Variants in DGKH observed in about 807,000 individuals in gnomAD.
DGKH encodes DAG kinase eta.
Under a neutral mutation model 159.3 loss-of-function variants are expected in DGKH, and 90 were observed. The ratio of observed to expected loss-of-function variants is 0.57; its 90% confidence interval spans 0.48 to 0.67. The LOEUF is 0.67. Among genes scored for constraint, DGKH ranks in the 30% least tolerant of loss-of-function variants. The probability of loss-of-function intolerance (pLI) is 0.00; values close to 1 mark genes in which losing one functional copy is unlikely to be tolerated. For missense variants in DGKH, 1,181 were observed against 1,506.1 expected, an observed-to-expected ratio of 0.78 and a Z score of 3.57; for synonymous variants, 536 against 553.8, an observed-to-expected ratio of 0.97 and a Z score of 0.45.
In DGKH at chr13:42,181,193, C is replaced by G. The variant is rs1353509290; in HGVS notation, c.1538+2973C>G. On this transcript the variant is annotated intron_variant, in intron 13 of 29. Coordinates refer to ENST00000337343, the MANE Select transcript of DGKH (RefSeq NM_178009.5). ...TCGGGAGGCTGAGGCAGGAGAATGG[C>G]GTGAACCCGGGAGGCGGAGCTTGCA... Among the ~76,000 whole-genome samples the G allele has an allele frequency of 4.9e-5, 7 of 142,804 alleles. No individual in the cohort carries two copies. In the East Asian group the frequency reaches 1.3e-3, roughly 27 times the overall value. The allele number at this position is 142,804 out of a possible 152,430, so 93.7% of individuals were successfully genotyped here. A position where few individuals can be genotyped will look rare whatever the true frequency, so the allele number is the denominator to read the frequency against.
chr13:42,144,075 C>G (rs1566127225), intron 3 of DGKH, among the ~76,000 whole-genome samples: 1 of 152,168 alleles, frequency 6.6e-6, no homozygotes, highest in Non-Finnish European at 1.5e-5. Flanking sequence ...CAGTAACCAT[C>G]TCATTGAAAC....
chr13:42,118,966 C>T (rs1043932019), intron 1 of DGKH, among the ~76,000 whole-genome samples: 2 of 152,138 alleles, frequency 1.3e-5, no homozygotes, highest in African/African-American at 4.8e-5. Flanking sequence ...ACTTTTCTTC[C>T]CCATTGCCTT....
rs199867761 is a variant in DGKH, at chr13:42,198,448, G to A, written c.2168-30G>A. The A allele has an allele frequency of 5.1e-6, 8 of 1,582,068 alleles. No homozygotes were observed. The African/African-American group carries it at 9.5e-5, about 19-fold the overall frequency. On this transcript the variant is annotated intron_variant, in intron 17 of 29. Coordinates refer to ENST00000337343, the MANE Select transcript of DGKH (RefSeq NM_178009.5). ...CTTTCTGTGTTTTTTCTTAACATGC[G>A]ATCCCATATGTGTTTGCTTTTCTTT...
chr13:42,105,855 A>G (rs942453836), intron 1 of DGKH, among the ~76,000 whole-genome samples: 12 of 152,204 alleles, frequency 7.9e-5, no homozygotes, highest in Non-Finnish European at 1.3e-4. Flanking sequence ...GTTTACTGCT[A>G]TATCTCCAGC....
intron 1 of DGKH, among the ~76,000 whole-genome samples, chr13:42,081,019 T>C (rs1239149917): frequency 6.6e-6 from 1 of 152,200 alleles, no homozygotes; most frequent in Non-Finnish European, 1.5e-5. Flanking sequence ...TATGCTTCTT[T>C]AGCCAAACAA....
chr13:42,159,455 A>C (rs1218834264), intron 6 of DGKH, 83 bp downstream of exon 6: 1 of 959,506 alleles, frequency 1.0e-6, no homozygotes, highest in Non-Finnish European at 1.6e-6. Context: ...AAAGATAAGT[A>C]GGAATGCTTA....
chr13:42,146,304 A>AT (rs1955730983), intron 3 of DGKH, among the ~76,000 whole-genome samples: 2 of 152,178 alleles, frequency 1.3e-5, no homozygotes, highest in Admixed American at 6.5e-5. Flanking sequence ...AAAGGCGTTT[A>AT]CCTGAAGTTT....
At chr13:42,147,606 A>T (rs1955770125) in intron 3 of DGKH, among the ~76,000 whole-genome samples, 1 of 152,236 alleles carries the variant, frequency 6.6e-6, no homozygotes, top group South Asian at 2.1e-4. Flanking sequence ...GGATTGTTCC[A>T]ATCTCTGGTA....
intron 24 of DGKH, among the ~76,000 whole-genome samples, chr13:42,212,213 T>G (rs1264655886): frequency 1.3e-5 from 2 of 152,292 alleles, no homozygotes; most frequent in Non-Finnish European, 1.5e-5. Context: ...TCTCTTTAAA[T>G]ATTTATTAGA....
rs7324235 is a variant in DGKH, at chr13:42,190,428, C to A, written c.1938C>A (p.Pro646=). Residue 646 remains proline, a synonymous_variant, in exon 16 of 30, where the codon CCC becomes CCA. Coordinates refer to ENST00000337343, the MANE Select transcript of DGKH (RefSeq NM_178009.5). ...TTATGGATGACCCGACAGTTCACCC[C>A]TGTGAACCAGCTAATCAGTCCTCTG... is the stretch of plus-strand genomic sequence containing the variant. The part of the protein sequence containing the change: ...GKVMDDPTVH[P]CEPANQSSDY... 2 of 1,608,968 alleles carry A rather than the reference C, an allele frequency of 1.2e-6. No individual in the cohort carries two copies. Among genetic ancestry groups the A allele is most frequent in the East Asian group, 4.5e-5 (2 of 44,512 alleles).
intron 12 of DGKH, among the ~76,000 whole-genome samples, chr13:42,175,645 ATC>A (rs1199701179): frequency 2.0e-5 from 3 of 152,230 alleles, no homozygotes; most frequent in Non-Finnish European, 4.4e-5. Flanking sequence ...TATGAAGGAA[ATC>A]TCTCTTTTTT....
rs138393567 is a variant in DGKH, at chr13:42,213,987, G to A, written c.3015-520G>A. Among the ~76,000 whole-genome samples, 54 of 152,222 alleles carry A rather than the reference G, an allele frequency of 3.5e-4. No homozygotes were observed. The East Asian group carries it at 0.01, about 29-fold the overall frequency. ...TTTACTGGCTCTGTATGCCTACCACGTCTCTCTGAGCCTCAATGTCATCAT... is the reference window on the plus strand; with the variant it reads ...TTTACTGGCTCTGTATGCCTACCACATCTCTCTGAGCCTCAATGTCATCAT... On this transcript the variant is annotated intron_variant, in intron 24 of 29. Coordinates refer to ENST00000337343, the MANE Select transcript of DGKH (RefSeq NM_178009.5).
At chr13:42,069,832 G>T in intron 1 of DGKH, 1 of 916,986 alleles carries the variant, frequency 1.1e-6, no homozygotes, top group Non-Finnish European at 1.7e-6. Flanking sequence ...ACAAGGCTCA[G>T]CAGAGTAATT....
intron 1 of DGKH, among the ~76,000 whole-genome samples, chr13:42,120,432 A>G (rs1955046384): frequency 6.6e-6 from 1 of 152,180 alleles, no homozygotes; most frequent in African/African-American, 2.4e-5. Context: ...CGAATTAGGA[A>G]ATGCCTGTAT....
intron 1 of DGKH, among the ~76,000 whole-genome samples, chr13:42,106,093 C>A (rs905318815): frequency 6.6e-6 from 1 of 151,764 alleles, no homozygotes; most frequent in Non-Finnish European, 1.5e-5. Context: ...CTGCAACCTT[C>A]GCCTCCTTGG....
chr13:42,133,585 A>T (rs977672415), intron 3 of DGKH, among the ~76,000 whole-genome samples: 19 of 152,112 alleles, frequency 1.2e-4, no homozygotes, highest in Admixed American at 1.3e-4. Flanking sequence ...AGTGCCAGCT[A>T]TTCTGGAGGC....
At chr13:42,119,178 A>C (rs1333555888) in intron 1 of DGKH, among the ~76,000 whole-genome samples, 3 of 152,202 alleles carry the variant, frequency 2.0e-5, no homozygotes. Flanking sequence ...CCCCCTTGGC[A>C]GTGGCTGCAG....
chr13:42,054,560 A>C (rs986105259), intron 1 of DGKH, among the ~76,000 whole-genome samples: 1 of 152,196 alleles, frequency 6.6e-6, no homozygotes, highest in Admixed American at 6.5e-5. Flanking sequence ...AAATTATTTA[A>C]CTCAGAGAAT....
chr13:42,119,025 T>A (rs2137820602), intron 1 of DGKH, among the ~76,000 whole-genome samples: 1 of 152,332 alleles, frequency 6.6e-6, no homozygotes, highest in Middle Eastern at 3.4e-3. Context: ...GCCATTTGAA[T>A]TTCCAAATGA....
Sources: allele counts gnomAD v4.1 joint callset (sites outside exome capture counted in the v4.1 genomes callset), GRCh38; gene constraint gnomAD v4.1.1; transcripts MANE v1.5; gene names NCBI Gene and HGNC (gene_info 2026-07-23, HGNC 2026-07-21).